PNPLA6: variants seen among roughly 807,000 people sequenced by gnomAD.
PNPLA6 encodes patatin like domain 6, lysophospholipase, also known as patatin-like phospholipase domain-containing protein 6.
In PNPLA6, 105 loss-of-function variants were observed where a neutral mutation model predicts 153.7. The ratio of observed to expected loss-of-function variants is 0.68; its 90% CI spans 0.58 to 0.80. The LOEUF is 0.80. Ranked by LOEUF, PNPLA6 falls within the 30% of genes least tolerant of loss-of-function variation. PNPLA6 has a pLI of 0.00. For missense variants in PNPLA6, 1,423 were observed against 1,919.3 expected (o/e 0.74, Z 4.83); for synonymous variants, 825 against 822.2 (o/e 1.00, Z -0.06).
chr19:7,543,167 C>CT, intron 13 of PNPLA6, 83 bp downstream of exon 13: 1 of 1,178,172 alleles, frequency 8.5e-7, no homozygotes, highest in Admixed American at 1.8e-5. Context: ...TGCCCTTTGA[C>CT]TGTAAGACCA....
intron 3 of PNPLA6, among the ~76,000 whole-genome samples, chr19:7,537,250 T>C (rs1311505282): frequency 6.6e-6 from 1 of 152,196 alleles, no homozygotes; most frequent in African/African-American, 2.4e-5. Flanking sequence ...ATTGTGTTTC[T>C]ACGATCTCCT....
chr19:7,557,224 C>T lies in PNPLA6; in HGVS notation c.3337C>T (p.Leu1113=), dbSNP rs1210970179. The change falls in exon 27 of 32, where the codon CTG becomes TTG. Residue 1113 remains leucine (L), a synonymous_variant. Coordinates refer to ENST00000600737, the MANE Select transcript of PNPLA6 (RefSeq NM_001166114.2). ...GACGCTGTCGGGCTACCTGCCCCCG[C>T]TGTGCGACCCCAAGGACGGGCACCT... ...SMTLSGYLPP[L]CDPKDGHLLM... is the part of the protein sequence containing the mutation. 2 of 1,613,490 alleles carry T rather than the reference C, an allele frequency of 1.2e-6. No individual in the cohort carries two copies. Among genetic ancestry groups the T allele is most frequent in the Non-Finnish European group, 1.7e-6 (2 of 1,179,896 alleles).
At chr19:7,560,326 T>G (rs1464152765) in intron 28 of PNPLA6, among the ~76,000 whole-genome samples, 1 of 152,122 alleles carries the variant, frequency 6.6e-6, no homozygotes, top group Non-Finnish European at 1.5e-5. Flanking sequence ...GGCTTGGGGA[T>G]GGCGACATCC....
intron 13 of PNPLA6, among the ~76,000 whole-genome samples, chr19:7,544,908 C>T (rs957852920): frequency 2.6e-5 from 4 of 152,206 alleles, no homozygotes; most frequent in Admixed American, 2.0e-4. Flanking sequence ...TGGGAGACTG[C>T]TGGCCACAAC....
At position 7,535,766 on chromosome 19, in the gene PNPLA6, A is replaced by G; in HGVS notation, c.-23A>G. 6.5e-7 allele frequency: 1 copy of G among 1,527,234 alleles called. No homozygotes were observed. Among genetic ancestry groups the G allele is most frequent in the Non-Finnish European group, 8.8e-7 (1 of 1,140,458 alleles). 94.6% of individuals were successfully genotyped at this position (1,527,234 alleles called of 1,614,324 possible). A position where few individuals can be genotyped will look rare whatever the true frequency, so the allele number is the denominator to read the frequency against. On this transcript the variant is annotated 5_prime_UTR_variant, in exon 1 of 32. Coordinates refer to ENST00000600737, the MANE Select transcript of PNPLA6 (RefSeq NM_001166114.2). This position sits in a 1 kb window ranked among gnomAD's most constrained non-coding sequence, Gnocchi z 5.0. ...GGAAGAGTCGCGCCCCCGGGGAGGG[A>G]GCAGCACTGGCCCATTCTGCAGATG...
Position 7,554,223 on chromosome 19 carries a change from C to T in PNPLA6, c.2416C>T (p.Leu806Phe), listed in dbSNP as rs377445062. 6 of 1,613,954 alleles carry T rather than the reference C, an allele frequency of 3.7e-6. No individual in the cohort carries two copies. Among genetic ancestry groups the T allele is most frequent in the Non-Finnish European group, 5.1e-6 (6 of 1,179,970 alleles). The change falls in exon 20 of 32, where the codon CTT becomes TTT. Residue 806 changes from leucine (L) to phenylalanine (F), a missense_variant. Leu to Phe is a conservative substitution (Grantham distance 22, BLOSUM62 0). Coordinates refer to ENST00000600737, the MANE Select transcript of PNPLA6 (RefSeq NM_001166114.2). ...ALQAIGPTLLLNSDIIRARLG... is the reference protein window; with the variant it reads ...ALQAIGPTLLFNSDIIRARLG... ...CCTACCCCTAGGTCCGACGCTACTC[C>T]TTAACAGTGACATCATCCGGGCACG...
At position 7,541,460 on chromosome 19, in the gene PNPLA6, CA is replaced by C; in HGVS notation, c.1005+27del. The C allele has an allele frequency of 6.2e-7, 1 of 1,613,022 alleles. No individual in the cohort carries two copies. Among genetic ancestry groups the C allele is most frequent in the Non-Finnish European group, 8.5e-7 (1 of 1,179,272 alleles). ...GTGAGTGGGTGGCGGGGAGCGAGCA[CA>C]GGGGGGATGGGGGCGAGGTCTCCCT... is the stretch of plus-strand genomic sequence containing the variant. On this transcript the variant is annotated intron_variant, in intron 8 of 31. Coordinates refer to ENST00000600737, the MANE Select transcript of PNPLA6 (RefSeq NM_001166114.2). This position sits in a 1 kb window ranked among gnomAD's most constrained non-coding sequence, Gnocchi z 5.2.
chr19:7,552,872 G>A (rs1435256883), intron 18 of PNPLA6, among the ~76,000 whole-genome samples: 4 of 152,040 alleles, frequency 2.6e-5, no homozygotes, highest in African/African-American at 9.7e-5. Context: ...GAAAGAGGGA[G>A]GGAGGAAGGG....
chr19:7,547,191 C>T (rs2023419609), intron 13 of PNPLA6, among the ~76,000 whole-genome samples: 1 of 152,170 alleles, frequency 6.6e-6, no homozygotes, highest in Non-Finnish European at 1.5e-5. Context: ...AGATGTGAGC[C>T]ACCATGGCCA....
At position 7,540,269 on chromosome 19, in the gene PNPLA6, G is replaced by A. The variant is rs1182996769; in HGVS notation, c.675G>A (p.Val225=). The change falls in exon 5 of 32, where the codon GTG becomes GTA. Residue 225 remains valine (V), a synonymous_variant. Coordinates refer to ENST00000600737, the MANE Select transcript of PNPLA6 (RefSeq NM_001166114.2). The surrounding 1 kb of genome is among the most constrained non-coding windows in gnomAD (Gnocchi z 6.8). Reference sequence around the variant, plus strand: ...GCCAGCCAGATGCCAGCATCTACGTGGTGCAGGACGGGCTGCTGGAGCTCT... The same window carrying A: ...GCCAGCCAGATGCCAGCATCTACGTAGTGCAGGACGGGCTGCTGGAGCTCT... ...RPGQPDASIY[V]VQDGLLELCL... The A allele has an allele frequency of 1.2e-6, 2 of 1,608,432 alleles. No homozygotes were observed. Among genetic ancestry groups the A allele is most frequent in the Admixed American group, 1.7e-5 (1 of 59,984 alleles).
chr19:7,549,626 T>C, intron 13 of PNPLA6: 1 of 480,400 alleles, frequency 2.1e-6, no homozygotes, highest in Non-Finnish European at 3.8e-6. Flanking sequence ...GTAGCTGGAA[T>C]TACAGACATG....
At chr19:7,537,880 T>G (rs2022949763) in intron 3 of PNPLA6, among the ~76,000 whole-genome samples, 1 of 152,106 alleles carries the variant, frequency 6.6e-6, no homozygotes, top group South Asian at 2.1e-4. Context: ...GACCTTGTGA[T>G]CCGTCCGCCT....
At chr19:7,538,430 A>C (rs495181) in intron 3 of PNPLA6, among the ~76,000 whole-genome samples, 1 of 151,728 alleles carries the variant, frequency 6.6e-6, no homozygotes, top group African/African-American at 2.4e-5. Flanking sequence ...CAATCCTCCC[A>C]CCTCGGCCTC....
At chr19:7,535,478 C>A, upstream of PNPLA6, 2 of 1,490,648 alleles carry the variant, frequency 1.3e-6, no homozygotes, top group Non-Finnish European at 1.8e-6. This position sits in a 1 kb window ranked among gnomAD's most constrained non-coding sequence, Gnocchi z 5.0. Flanking sequence ...TGACGACTTG[C>A]ACGGGTTCCT....
In PNPLA6 at chr19:7,540,994, G is replaced by T. The variant is rs1403252032; in HGVS notation, c.867G>T (p.Val289=). 6.2e-7 allele frequency: 1 copy of T among 1,611,634 alleles called. No individual in the cohort carries two copies. Among genetic ancestry groups the T allele is most frequent in the African/African-American group, 1.3e-5 (1 of 74,996 alleles). ...ACTCCACGGTGCTGCGCCTGCCGGT[G>T]GAAGCATTCTCCGCGGTCTTCACCA... ...ARDSTVLRLP[V]EAFSAVFTKY... The change falls in exon 7 of 32, where the codon GTG becomes GTT. Residue 289 remains valine (V), a synonymous_variant. Coordinates refer to ENST00000600737, the MANE Select transcript of PNPLA6 (RefSeq NM_001166114.2). This position sits in a 1 kb window ranked among gnomAD's most constrained non-coding sequence, Gnocchi z 6.8.
In PNPLA6 at chr19:7,555,331, AC is replaced by A. The variant is rs775455446; in HGVS notation, c.2901del (p.Asn967LysfsTer7). On this transcript the variant is annotated frameshift_variant, in exon 23 of 32. Transcript: ENST00000600737. LOFTEE classifies it high-confidence loss of function. The surrounding 1 kb of genome is among the most constrained non-coding windows in gnomAD (Gnocchi z 6.3). ...CGCTTGGCGAGGGTGCTCACGGGGA[AC>A]ACCATTGCCCTTGTGCTAGGCGGGG... The part of the protein sequence containing the change: ...FSRLARVLTG[N>X]TIALVLGGGG... 1.3e-6 allele frequency: 2 copies of A among 1,565,222 alleles called. No homozygotes were observed. The highest frequency in any genetic ancestry group is 8.7e-7 in the Non-Finnish European group (1 of 1,155,482).
chr19:7,545,909 C>A (rs373677557), intron 13 of PNPLA6, among the ~76,000 whole-genome samples: 961 of 100,014 alleles, frequency 9.6e-3, no homozygotes, highest in East Asian at 0.018. Context: ...GACCCTGTCT[C>A]AAAAAAAAAA....
At position 7,540,878 on chromosome 19, in the gene PNPLA6, C is replaced by T. The variant is rs774713784; in HGVS notation, c.796-45C>T. On this transcript the variant is annotated intron_variant, in intron 6 of 31. Transcript: ENST00000600737. The surrounding 1 kb of genome is among the most constrained non-coding windows in gnomAD (Gnocchi z 6.8). ...GATTAGGGGAGTAGCGAGGGGGACT[C>T]GCAGCCTCTGCCCTTGTCTCTCTTC... The T allele has an allele frequency of 2.5e-6, 4 of 1,612,356 alleles. No individual in the cohort carries two copies. The highest frequency in any genetic ancestry group is 2.2e-5 in the East Asian group (1 of 44,860).
intron 17 of PNPLA6, 21 bp downstream of exon 17, chr19:7,551,128 G>C (rs760902705): frequency 6.7e-7 from 1 of 1,498,236 alleles, no homozygotes; most frequent in South Asian, 1.2e-5. Context: ...TTGTGGGCGG[G>C]GCAGAGAGGC....
Sources: gnomAD v4.1 joint callset for allele counts (sites outside exome capture counted in the v4.1 genomes callset) on GRCh38, gnomAD v4.1.1 for gene constraint, Gnocchi (gnomAD v3.1) non-coding constraint, MANE v1.5 for transcripts, NCBI Gene and HGNC (gene_info 2026-07-23, HGNC 2026-07-21) for gene names.